The following FBF1 variants were observed in gnomAD, a reference collection of about 807,000 sequenced individuals.
FBF1 encodes Fas binding factor 1, also known as fas-binding factor 1.
Under a neutral mutation model 147.2 loss-of-function variants are expected in FBF1, and 119 were observed. The ratio of observed to expected loss-of-function variants is 0.81; its 90% CI spans 0.70 to 0.94. The LOEUF (loss-of-function observed/expected upper bound fraction) is 0.94. Among genes scored for constraint, FBF1 ranks in the 40% least tolerant of loss-of-function variants. The pLI is 0.00. For missense variants in FBF1, 1,449 were observed against 1,500.8 expected, an observed-to-expected ratio of 0.97 and a Z score of 0.57; for synonymous variants, 601 against 609.0, an observed-to-expected ratio of 0.99 and a Z score of 0.19.
At chr17:75,917,909 T>C (rs773476248) in intron 22 of FBF1, 22 bp downstream of exon 22, 74 of 1,588,570 alleles carry the variant, frequency 4.7e-5, no homozygotes, top group Non-Finnish European at 5.8e-5. Context: ...GGAGCCGGGG[T>C]GGCTGAGAGG....
intron 5 of FBF1, 95 bp from the exon 6 acceptor site, chr17:75,931,384 G>T: frequency 9.2e-7 from 1 of 1,086,910 alleles, no homozygotes; most frequent in Non-Finnish European, 1.4e-6. Context: ...AGGAATCTCG[G>T]ATAGGTCTCT....
At chr17:75,916,158 A>T (rs2065488021) in intron 23 of FBF1, among the ~76,000 whole-genome samples, 1 of 151,486 alleles carries the variant, frequency 6.6e-6, no homozygotes. Context: ...CGTTTCTACA[A>T]AAAATACAAA....
chr17:75,937,725 G>GT (rs2065633515), intron 2 of FBF1, 132 bp from the exon 3 acceptor site: 5 of 915,096 alleles, frequency 5.5e-6, no homozygotes, highest in African/African-American at 4.9e-5. Flanking sequence ...ATTTAGAGAT[G>GT]TAAGTCCTTT....
Position 75,921,503 on chromosome 17 carries a change from C to T in FBF1, c.1584G>A (p.Arg528=). The T allele has an allele frequency of 6.2e-7, 1 of 1,613,136 alleles. No individual in the cohort carries two copies. The highest frequency in any genetic ancestry group is 1.1e-5 in the South Asian group (1 of 90,862). ...CTGAGAGGTCTCCAGGGGCTGTTCC[C>T]CTCTTTGGGGAACCTGTAGGGAGTG... ...ASALPTGSPK[R]GTAPGDLSAT... The change falls in exon 16 of 30, where the codon AGG becomes AGA. Residue 528 remains arginine (R), a synonymous_variant. Transcript: ENST00000636174.
chr17:75,921,200 T>C (rs2065523885), intron 17 of FBF1, 44 bp downstream of exon 17: 3 of 1,548,050 alleles, frequency 1.9e-6, no homozygotes, highest in South Asian at 2.4e-5. Flanking sequence ...CATGGAGAAT[T>C]GCTCCCTAGG....
In FBF1 at chr17:75,927,444, G is replaced by A. The variant is rs2065569241; in HGVS notation, c.475+11C>T. On this transcript the variant is annotated intron_variant, in intron 9 of 29. Coordinates refer to ENST00000636174, the MANE Select transcript of FBF1 (RefSeq NM_001319193.2). ...AGAGTGTCCCAGAGGCATGACAGGA[G>A]CCTATGGTACCTTCAGAGGAAAACC... 6 of 1,577,780 alleles carry A rather than the reference G, an allele frequency of 3.8e-6. No individual in the cohort carries two copies. The highest frequency in any genetic ancestry group is 5.2e-6 in the Non-Finnish European group (6 of 1,161,734).
In FBF1 at chr17:75,919,994, A is replaced by G; in HGVS notation, c.1931+13T>C. 6.2e-7 allele frequency: 1 copy of G among 1,608,598 alleles called. No homozygotes were observed. Among genetic ancestry groups the G allele is most frequent in the Non-Finnish European group, 8.5e-7 (1 of 1,177,270 alleles). On this transcript the variant is annotated intron_variant, in intron 19 of 29. Transcript: ENST00000636174. This position sits in a 1 kb window ranked among gnomAD's most constrained non-coding sequence, Gnocchi z 5.0. Reference sequence around the variant, plus strand: ...TGAGATCCAAGGCAGAGCTGGGGCCAGCGCCAGGGTACCTGTGTGCACTCT... The same window carrying G: ...TGAGATCCAAGGCAGAGCTGGGGCCGGCGCCAGGGTACCTGTGTGCACTCT...
intron 2 of FBF1, chr17:75,937,868 T>C: frequency 1.6e-6 from 1 of 626,782 alleles, no homozygotes; most frequent in South Asian, 1.9e-5. Context: ...CCAGCCGAGA[T>C]GTCATGTGAC....
Position 75,910,425 on chromosome 17 carries a change from C to T in FBF1, c.*298G>A. On this transcript the variant is annotated 3_prime_UTR_variant, in exon 30 of 30. Coordinates refer to ENST00000636174, the MANE Select transcript of FBF1 (RefSeq NM_001319193.2). This position sits in a 1 kb window ranked among gnomAD's most constrained non-coding sequence, Gnocchi z 4.1. ...GAGCCCAGGGGGAGCCCACAGAGCCCAGTGAGAGCTGGGGGTCCTTGCTGC... is the reference window on the plus strand; with the variant it reads ...GAGCCCAGGGGGAGCCCACAGAGCCTAGTGAGAGCTGGGGGTCCTTGCTGC... 1 of 412,264 alleles carries T rather than the reference C, an allele frequency of 2.4e-6. No homozygotes were observed. 25.5% of individuals were successfully genotyped at this position (412,264 alleles called of 1,614,324 possible). A position where few individuals can be genotyped will look rare whatever the true frequency, so the allele number is the denominator to read the frequency against.
rs543343672 is a variant in FBF1 at position 75,925,023 on chromosome 17, C to T, written c.968+324G>A. 2.6e-5 allele frequency among the ~76,000 whole-genome samples: 4 copies of T among 152,132 alleles called. No homozygotes were observed. Among genetic ancestry groups the T allele is most frequent in the Admixed American group, 2.6e-4 (4 of 15,254 alleles). On this transcript the variant is annotated intron_variant, in intron 13 of 29. Coordinates refer to ENST00000636174, the MANE Select transcript of FBF1 (RefSeq NM_001319193.2). The surrounding 1 kb of genome is among the most constrained non-coding windows in gnomAD (Gnocchi z 5.0). ...AAGTATGTTCCTTGGGGAGACCGAG[C>T]GACATCACAGCCTTTTATGATTTCA...
intron 2 of FBF1, 193 bp from the exon 3 acceptor site, chr17:75,937,786 C>T (rs1305531576): frequency 2.9e-6 from 2 of 683,992 alleles, no homozygotes; most frequent in Non-Finnish European, 2.6e-6. Context: ...GTGGAAACAG[C>T]CCTGCTAACC....
chr17:75,922,802 G>A lies in FBF1; in HGVS notation c.1424+384C>T, dbSNP rs2065536064. Among the ~76,000 whole-genome samples, 1 of 152,272 alleles carries A rather than the reference G, an allele frequency of 6.6e-6. No individual in the cohort carries two copies. Among genetic ancestry groups the A allele is most frequent in the Non-Finnish European group, 1.5e-5 (1 of 68,044 alleles). ...GCTCACACACGCCATACTCGCTTCAGTGGAGTCGGCAGAAGCACCGGCTGT... is the reference window on the plus strand; with the variant it reads ...GCTCACACACGCCATACTCGCTTCAATGGAGTCGGCAGAAGCACCGGCTGT... On this transcript the variant is annotated intron_variant, in intron 14 of 29. Transcript: ENST00000636174. The surrounding 1 kb of genome is among the most constrained non-coding windows in gnomAD (Gnocchi z 5.0).
At position 75,919,483 on chromosome 17, in the gene FBF1, A is replaced by T. The variant is rs1238467277; in HGVS notation, c.2138+185T>A. 6.6e-6 allele frequency among the ~76,000 whole-genome samples: 1 copy of T among 151,832 alleles called. No homozygotes were observed. Among genetic ancestry groups the T allele is most frequent in the Non-Finnish European group, 1.5e-5 (1 of 67,948 alleles). On this transcript the variant is annotated intron_variant, in intron 20 of 29. Coordinates refer to ENST00000636174, the MANE Select transcript of FBF1 (RefSeq NM_001319193.2). The surrounding 1 kb of genome is among the most constrained non-coding windows in gnomAD (Gnocchi z 5.0). ...TCCTGCCTCTGTAAGAGCAGGTGGCACCCCCACCCATGGGTGTGATGGGTC... is the reference window on the plus strand; with the variant it reads ...TCCTGCCTCTGTAAGAGCAGGTGGCTCCCCCACCCATGGGTGTGATGGGTC...
chr17:75,920,469 G>T, intron 17 of FBF1, 40 bp from the exon 18 acceptor site: 1 of 1,561,000 alleles, frequency 6.4e-7, no homozygotes. Flanking sequence ...TTAGGGAGGG[G>T]ACAGGGGCCC....
chr17:75,914,624 A>C (rs1026437313), intron 25 of FBF1, 123 bp downstream of exon 25: 1 of 1,047,644 alleles, frequency 9.5e-7, no homozygotes, highest in African/African-American at 1.6e-5. Flanking sequence ...TACTGTTTTA[A>C]TCCCTATGCT....
At chr17:75,929,945 A>ACGGGCCCC in intron 7 of FBF1, 52 bp downstream of exon 7, 1 of 650,908 alleles carries the variant, frequency 1.5e-6, no homozygotes. Context: ...AAATATCATG[A>ACGGGCCCC]CCCCACCCCA....
chr17:75,931,014 G>A (rs2065591138), intron 6 of FBF1, among the ~76,000 whole-genome samples: 1 of 152,042 alleles, frequency 6.6e-6, no homozygotes, highest in Admixed American at 6.6e-5. Flanking sequence ...AGAATTGCTT[G>A]ACCCCGGGAG....
chr17:75,926,851 G>A lies in FBF1; in HGVS notation c.502C>T (p.Leu168Phe). Residue 168 changes from leucine (L) to phenylalanine (F), a missense_variant, in exon 10 of 30, where the codon CTC becomes TTC. By Grantham distance (22) the Leu-to-Phe change is conservative. Coordinates refer to ENST00000636174, the MANE Select transcript of FBF1 (RefSeq NM_001319193.2). Reference sequence around the variant, plus strand: ...GTGATTCCTCCTTCATCATAGGAGAGAAGTCCTCTCAATGGGTCTTCCAAG... The same window carrying A: ...GTGATTCCTCCTTCATCATAGGAGAAAAGTCCTCTCAATGGGTCTTCCAAG... The part of the protein sequence containing the change: ...EDLEDPLRGL[L>F]SYDEGGITKQ... 6.2e-7 allele frequency: 1 copy of A among 1,613,278 alleles called. No homozygotes were observed. The highest frequency in any genetic ancestry group is 8.5e-7 in the Non-Finnish European group (1 of 1,179,614).
chr17:75,927,409 C>T (rs375996154), intron 9 of FBF1, 46 bp downstream of exon 9: 3 of 1,532,756 alleles, frequency 2.0e-6, no homozygotes, highest in Non-Finnish European at 2.7e-6. Context: ...GGCTGCTCCA[C>T]TCCCAAACCA....
Sources: allele counts gnomAD v4.1 joint callset (sites outside exome capture counted in the v4.1 genomes callset), GRCh38; gene constraint gnomAD v4.1.1; non-coding constraint Gnocchi (gnomAD v3.1); transcripts MANE v1.5; gene names NCBI Gene and HGNC (gene_info 2026-07-23, HGNC 2026-07-21).